TDRD9: variants seen among roughly 807,000 people sequenced by gnomAD.
TDRD9 encodes ATP-dependent RNA helicase TDRD9.
TDRD9 carries 124 observed loss-of-function variants against 172.6 expected under a neutral mutation model. That is an observed-to-expected ratio of 0.72 (90% confidence interval 0.62 to 0.83). TDRD9 has a LOEUF of 0.83. TDRD9 is among the 40% of genes least tolerant of loss of function. The pLI is 0.00. For missense variants in TDRD9, 1,479 were observed against 1,714.1 expected (o/e 0.86, Z 2.42); for synonymous variants, 619 against 617.1 (o/e 1.00, Z -0.05).
Position 104,047,404 on chromosome 14 carries a change from A to G in TDRD9, c.3975-2204A>G, listed in dbSNP as rs149962964. On this transcript the variant is annotated intron_variant, in intron 34 of 35. Coordinates refer to ENST00000409874, the MANE Select transcript of TDRD9 (RefSeq NM_153046.3). ...AGGATTTCCTACATACAAGATCATT[A>G]TTATTATGAAAGCTTTCTTTCTCTA... Among the ~76,000 whole-genome samples the G allele has an allele frequency of 7.9e-5, 12 of 152,202 alleles. No homozygotes were observed. In the East Asian group the frequency reaches 2.3e-3, roughly 29 times the overall value.
intron 2 of TDRD9, among the ~76,000 whole-genome samples, chr14:103,960,312 T>C (rs1566741206): frequency 6.6e-6 from 1 of 152,290 alleles, no homozygotes; most frequent in Non-Finnish European, 1.5e-5. Context: ...AACTTTTTGG[T>C]TAGATTTCAT....
intron 20 of TDRD9, among the ~76,000 whole-genome samples, chr14:104,011,286 T>C (rs1016734651): frequency 1.3e-5 from 2 of 152,182 alleles, no homozygotes; most frequent in African/African-American, 2.4e-5. Flanking sequence ...CAATATTTTC[T>C]CTAGAATTTT....
At chr14:104,025,268 C>A (rs2035080434) in intron 25 of TDRD9, among the ~76,000 whole-genome samples, 1 of 152,210 alleles carries the variant, frequency 6.6e-6, no homozygotes, top group Non-Finnish European at 1.5e-5. Flanking sequence ...AGGCGTGAGC[C>A]ACTGTGCCCC....
intron 1 of TDRD9, among the ~76,000 whole-genome samples, chr14:103,948,713 A>G (rs2031704076): frequency 1.3e-5 from 2 of 152,122 alleles, no homozygotes; most frequent in African/African-American, 4.8e-5. Flanking sequence ...TCACAAAAGG[A>G]CAGATACTTT....
intron 9 of TDRD9, 43 bp downstream of exon 9, chr14:103,991,267 GGA>G: frequency 6.2e-7 from 1 of 1,600,984 alleles, no homozygotes; most frequent in Non-Finnish European, 8.6e-7. Context: ...ATAATACTCT[GGA>G]GAGAGGCTAA....
rs549374767 is a variant in TDRD9, at chr14:103,930,362, T to C, written c.215+1638T>C. Among the ~76,000 whole-genome samples the C allele has an allele frequency of 1.2e-4, 18 of 152,310 alleles. No individual in the cohort carries two copies. In the South Asian group the frequency reaches 3.7e-3, roughly 32 times the overall value. The stretch of plus-strand genomic sequence containing the variant: ...GCCACCACGCCCAGCTTATTTTGTA[T>C]TTTTAGTAGAGACAGCATTTCACCT... On this transcript the variant is annotated intron_variant, in intron 1 of 35. Coordinates refer to ENST00000409874, the MANE Select transcript of TDRD9 (RefSeq NM_153046.3).
intron 11 of TDRD9, among the ~76,000 whole-genome samples, chr14:103,995,232 G>T (rs2034015981): frequency 6.6e-6 from 1 of 152,202 alleles, no homozygotes; most frequent in Admixed American, 6.5e-5. Flanking sequence ...TCTAGGTCCT[G>T]CTTCAGGAGG....
chr14:103,998,588 A>G (rs1487574505), intron 12 of TDRD9, 36 bp from the exon 13 acceptor site: 1 of 1,074,538 alleles, frequency 9.3e-7, no homozygotes, highest in South Asian at 1.3e-5. Context: ...ATCTCTTATT[A>G]GCATGGTGTT....
At chr14:103,959,455 C>CGTGTGTGTGTGTGTGTGTGTGT (rs151216232) in intron 2 of TDRD9, among the ~76,000 whole-genome samples, 30 of 144,100 alleles carry the variant, frequency 2.1e-4, no homozygotes, top group African/African-American at 4.8e-4. Flanking sequence ...GTCAGGTTAT[C>CGTGTGTGTGTGTGTGTGTGTGT]GTGTGTGTGT....
intron 20 of TDRD9, among the ~76,000 whole-genome samples, chr14:104,011,107 G>A (rs946186853): frequency 6.6e-5 from 10 of 152,168 alleles, no homozygotes; most frequent in African/African-American, 2.4e-4. Context: ...GGTCTTATGG[G>A]TCCACAGTTC....
chr14:103,978,481 G>A (rs183638539), intron 7 of TDRD9, among the ~76,000 whole-genome samples: 176 of 152,208 alleles, frequency 1.2e-3, no homozygotes, highest in African/African-American at 3.8e-3. Context: ...ACTTTATTTG[G>A]TTTGACTGTA....
intron 13 of TDRD9, 112 bp downstream of exon 13, chr14:103,998,840 T>C (rs2005081): frequency 3.4e-6 from 2 of 593,040 alleles, no homozygotes. Context: ...TCGCCCAGGC[T>C]GGAAGGCAGT....
intron 13 of TDRD9, among the ~76,000 whole-genome samples, chr14:104,000,329 C>CAAAA (rs60498436): frequency 1.6e-5 from 2 of 127,998 alleles, no homozygotes; most frequent in Non-Finnish European, 1.6e-5. Flanking sequence ...AGCCCCGTCT[C>CAAAA]AAAAAAAAAA....
chr14:103,946,305 C>A (rs1390952952), intron 1 of TDRD9, among the ~76,000 whole-genome samples: 2 of 152,144 alleles, frequency 1.3e-5, no homozygotes, highest in African/African-American at 2.4e-5. Flanking sequence ...ATTAAAAGTT[C>A]TGGGTTATTG....
chr14:103,959,491 TACACACACAC>T (rs147603782), intron 2 of TDRD9, among the ~76,000 whole-genome samples: 3,449 of 148,442 alleles, frequency 0.023, 77 homozygotes, highest in East Asian at 0.073. Context: ...TATGTATACA[TACACACACAC>T]ACACACAGAC....
At chr14:104,027,650 A>G (rs1287483939) in intron 28 of TDRD9, among the ~76,000 whole-genome samples, 1 of 152,202 alleles carries the variant, frequency 6.6e-6, no homozygotes, top group Non-Finnish European at 1.5e-5. Flanking sequence ...ATAATGATCA[A>G]GTGAGGGTAA....
chr14:103,964,651 C>T (rs1002085824), intron 3 of TDRD9, among the ~76,000 whole-genome samples: 3 of 152,128 alleles, frequency 2.0e-5, no homozygotes, highest in African/African-American at 7.2e-5. Context: ...TTCAACCTCC[C>T]AAGTAGCTGG....
At chr14:104,047,400 C>T (rs917625131) in intron 34 of TDRD9, among the ~76,000 whole-genome samples, 18 of 152,110 alleles carry the variant, frequency 1.2e-4, no homozygotes, top group African/African-American at 4.3e-4. Flanking sequence ...CATACAAGAT[C>T]ATTATTATTA....
rs777418394 is a variant in TDRD9, at chr14:103,995,772, CAG to C, written c.1348_1349del (p.Ser450PhefsTer17). Reference sequence around the variant, plus strand: ...CAGATTATTCTGTCCACCAATATTGCAGAGAGTTCTGTCACAGTTCCAGATGT... The same window carrying C: ...CAGATTATTCTGTCCACCAATATTGCAGAGTTCTGTCACAGTTCCAGATGT... On this transcript the variant is annotated frameshift_variant, in exon 12 of 36. Coordinates refer to ENST00000409874, the MANE Select transcript of TDRD9 (RefSeq NM_153046.3). LOFTEE classifies it high-confidence loss of function. 34 of 1,608,936 alleles carry C rather than the reference CAG, an allele frequency of 2.1e-5. No individual in the cohort carries two copies. The highest frequency in any genetic ancestry group is 2.6e-5 in the Non-Finnish European group (31 of 1,177,916).
Sources: gnomAD v4.1 joint callset for allele counts (sites outside exome capture counted in the v4.1 genomes callset) on GRCh38, gnomAD v4.1.1 for gene constraint, MANE v1.5 for transcripts, NCBI Gene and HGNC (gene_info 2026-07-23, HGNC 2026-07-21) for gene names.